GPSM1: variants seen among roughly 807,000 people sequenced by gnomAD.
GPSM1 encodes the protein G protein signaling modulator 1.
In GPSM1, 48 loss-of-function variants were observed where a neutral mutation model predicts 70.5. The ratio of observed to expected loss-of-function variants is 0.68; its 90% confidence interval spans 0.54 to 0.87. The LOEUF is 0.87. Among genes scored for constraint, GPSM1 ranks in the 40% least tolerant of loss-of-function variants. The pLI is 0.00. For missense variants in GPSM1, 981 were observed against 972.6 expected (o/e 1.01, Z -0.11); for synonymous variants, 416 against 430.1 (o/e 0.97, Z 0.41).
At chr9:136,347,191 G>A (rs1832543510) in intron 9 of GPSM1, among the ~76,000 whole-genome samples, 1 of 152,174 alleles carries the variant, frequency 6.6e-6, no homozygotes, top group South Asian at 2.1e-4. Flanking sequence ...CCATGCCGGC[G>A]CAGTCTGATG....
At position 136,356,665 on chromosome 9, in the gene GPSM1, G is replaced by A; in HGVS notation, c.1821+115G>A. ...CGCTGGTTCTGCCATCTCCGGTCAT[G>A]TTTGAGGGACTCCTGGGGGACTCAG... On this transcript the variant is annotated intron_variant, in intron 13 of 13. Coordinates refer to ENST00000440944, the MANE Select transcript of GPSM1 (RefSeq NM_001145638.3). 5.5e-6 allele frequency: 4 copies of A among 731,278 alleles called. No homozygotes were observed. In the South Asian group the frequency reaches 7.3e-5, roughly 13 times the overall value. The allele number at this position is 731,278 out of a possible 1,614,324, so 45.3% of individuals were successfully genotyped here.
Position 136,358,243 on chromosome 9 carries a change from C to T in GPSM1, c.*23C>T. On this transcript the variant is annotated 3_prime_UTR_variant, in exon 14 of 14. Transcript: ENST00000440944. ...TAAGGCCCTGTGCCCACCGCCAGGC[C>T]CACCCTGCCCCCACTCCTGGACGCC... is the stretch of plus-strand genomic sequence containing the variant. 1 of 1,519,536 alleles carries T rather than the reference C, an allele frequency of 6.6e-7. No homozygotes were observed. The highest frequency in any genetic ancestry group is 1.2e-5 in the South Asian group (1 of 84,078). 94.1% of individuals were successfully genotyped at this position (1,519,536 alleles called of 1,614,324 possible). A position where few individuals can be genotyped will look rare whatever the true frequency, so the allele number is the denominator to read the frequency against.
rs1832247853 is a variant in GPSM1, at chr9:136,336,787, T to C, written c.427-134T>C. On this transcript the variant is annotated intron_variant, in intron 3 of 13. Coordinates refer to ENST00000440944, the MANE Select transcript of GPSM1 (RefSeq NM_001145638.3). ...CCTCAGGCTTCCGCCCCTGCCTTAGTGTCTGTGACTCAGTGGGAGCCCCCA... is the reference window on the plus strand; with the variant it reads ...CCTCAGGCTTCCGCCCCTGCCTTAGCGTCTGTGACTCAGTGGGAGCCCCCA... 5.9e-6 allele frequency: 5 copies of C among 852,246 alleles called. No individual in the cohort carries two copies. The Admixed American group carries it at 1.2e-4, about 20-fold the overall frequency. The allele number at this position is 852,246 out of a possible 1,614,324, so 52.8% of individuals were successfully genotyped here. A position where few individuals can be genotyped will look rare whatever the true frequency, so the allele number is the denominator to read the frequency against.
At chr9:136,329,224 C>T (rs1365431770) in intron 1 of GPSM1, among the ~76,000 whole-genome samples, 1 of 152,202 alleles carries the variant, frequency 6.6e-6, no homozygotes, top group African/African-American at 2.4e-5. Context: ...TCCAGTTGAG[C>T]TCCAGGGTGG....
chr9:136,356,332 C>A lies in GPSM1; in HGVS notation c.1613-10C>A, dbSNP rs781898752. The A allele has an allele frequency of 6.4e-7, 1 of 1,550,934 alleles. No individual in the cohort carries two copies. Among genetic ancestry groups the A allele is most frequent in the South Asian group, 1.2e-5 (1 of 83,770 alleles). The stretch of plus-strand genomic sequence containing the variant: ...CTGGGTCCCAGGTCTCACCCTCTGG[C>A]CCCCCGCAGCCCAGCCCTCGATGAC... On this transcript the variant is annotated splice_polypyrimidine_tract_variant and intron_variant, in intron 12 of 13. Transcript: ENST00000440944.
At chr9:136,349,851 G>C in intron 11 of GPSM1, 88 bp downstream of exon 11, 1 of 1,314,118 alleles carries the variant, frequency 7.6e-7, no homozygotes, top group Non-Finnish European at 1.0e-6. Context: ...ACGGGGCCAG[G>C]TCAGGCCCGG....
At position 136,338,364 on chromosome 9, in the gene GPSM1, A is replaced by AC. The variant is rs539968910; in HGVS notation, c.819-185dup. Among the ~76,000 whole-genome samples, 852 of 151,800 alleles carry AC rather than the reference A, an allele frequency of 5.6e-3. 8 individuals are homozygous for AC. Among genetic ancestry groups the AC allele is most frequent in the African/African-American group, 0.02 (809 of 41,328 alleles). On this transcript the variant is annotated intron_variant, in intron 6 of 13. Coordinates refer to ENST00000440944, the MANE Select transcript of GPSM1 (RefSeq NM_001145638.3). The stretch of plus-strand genomic sequence containing the variant: ...AGGCAACTTGCCAGAGCCTGGCAGG[A>AC]CCCCCCGTCCCCCTGGGGCCAACAG...
chr9:136,357,084 C>T (rs527903967), intron 13 of GPSM1, among the ~76,000 whole-genome samples: 4 of 152,314 alleles, frequency 2.6e-5, no homozygotes, highest in South Asian at 4.1e-4. Flanking sequence ...CTGGCAGCCA[C>T]GCCAGGAATG....
chr9:136,355,630 G>C (rs547886370), intron 11 of GPSM1, 60 bp from the exon 12 acceptor site: 25 of 1,510,204 alleles, frequency 1.7e-5, no homozygotes, highest in Admixed American at 7.1e-5. Flanking sequence ...AGCAGCCCCC[G>C]GTCTCGTCTG....
At chr9:136,348,547 A>G in intron 9 of GPSM1, 150 bp from the exon 10 acceptor site, 1 of 587,020 alleles carries the variant, frequency 1.7e-6, no homozygotes, top group Non-Finnish European at 3.1e-6. Flanking sequence ...CGCAGAGGAC[A>G]CTCAGACATG....
intron 3 of GPSM1, 52 bp downstream of exon 3, chr9:136,336,153 T>C: frequency 6.3e-7 from 1 of 1,585,510 alleles, no homozygotes; most frequent in South Asian, 1.1e-5. Flanking sequence ...CCGGCCTGCG[T>C]CCAGATCCGG....
rs781852144 is a variant in GPSM1, at chr9:136,349,623, C to T, written c.1315C>T (p.Arg439Trp). ...AGACAGCCACCATTCAGGGGACTGG[C>T]GGGGGCCCAGCAGGGACTCGCTACC... The part of the protein sequence containing the change: ...NGDSHHSGDW[R>W]GPSRDSLPLP... The change falls in exon 11 of 14, where the codon CGG becomes TGG. Residue 439 changes from arginine (R) to tryptophan (W), a missense_variant. Coordinates refer to ENST00000440944, the MANE Select transcript of GPSM1 (RefSeq NM_001145638.3). The T allele has an allele frequency of 3.8e-5, 59 of 1,549,586 alleles. No homozygotes were observed. The South Asian group carries it at 5.6e-4, about 15-fold the overall frequency.
chr9:136,336,832 C>G (rs1832248745), intron 3 of GPSM1, 89 bp from the exon 4 acceptor site: 1 of 1,323,538 alleles, frequency 7.6e-7, no homozygotes, highest in African/African-American at 1.5e-5. Context: ...CTGTCGAGGG[C>G]TGGGACAGTG....
intron 6 of GPSM1, among the ~76,000 whole-genome samples, chr9:136,338,175 A>G (rs1554769613): frequency 2.0e-5 from 3 of 152,172 alleles, no homozygotes; most frequent in African/African-American, 7.2e-5. Flanking sequence ...GGTCTGGGCC[A>G]TCTGCCTCCT....
rs541381827 is a variant in GPSM1, at chr9:136,342,483, C to T, written c.1207+1490C>T. Among the ~76,000 whole-genome samples, 2 of 152,088 alleles carry T rather than the reference C, an allele frequency of 1.3e-5. No homozygotes were observed. The highest frequency in any genetic ancestry group is 2.9e-5 in the Non-Finnish European group (2 of 68,012). On this transcript the variant is annotated intron_variant, in intron 9 of 13. Coordinates refer to ENST00000440944, the MANE Select transcript of GPSM1 (RefSeq NM_001145638.3). The surrounding 1 kb of genome is among the most constrained non-coding windows in gnomAD (Gnocchi z 5.5). ...GGGACCCCTTCCAGCCGGCCGGACG[C>T]CTCCTCCCCCAGGGCTGGGGAAGGG...
At chr9:136,357,467 G>A (rs1832862426) in intron 13 of GPSM1, among the ~76,000 whole-genome samples, 1 of 152,248 alleles carries the variant, frequency 6.6e-6, no homozygotes, top group African/African-American at 2.4e-5. Context: ...GCGCTTCAGA[G>A]AAGCCCAGAC....
At position 136,349,601 on chromosome 9, in the gene GPSM1, C is replaced by T. The variant is rs1251200621; in HGVS notation, c.1293C>T (p.Asp431=). 6.5e-7 allele frequency: 1 copy of T among 1,550,076 alleles called. No homozygotes were observed. Among genetic ancestry groups the T allele is most frequent in the Non-Finnish European group, 8.7e-7 (1 of 1,146,738 alleles). Reference sequence around the variant, plus strand: ...CCCCTCCCCAGGAGCAGAATGGAGACAGCCACCATTCAGGGGACTGGCGGG... The same window carrying T: ...CCCCTCCCCAGGAGCAGAATGGAGATAGCCACCATTCAGGGGACTGGCGGG... The part of the protein sequence containing the change: ...RLPLEREQNG[D]SHHSGDWRGP... The change falls in exon 11 of 14, where the codon GAC becomes GAT. Residue 431 remains aspartate (D), a synonymous_variant. Coordinates refer to ENST00000440944, the MANE Select transcript of GPSM1 (RefSeq NM_001145638.3).
At position 136,331,847 on chromosome 9, in the gene GPSM1, C is replaced by T. The variant is rs116055429; in HGVS notation, c.69-2600C>T. 2,711 of 395,734 alleles carry T rather than the reference C, an allele frequency of 6.9e-3. 62 individuals are homozygous for T. The highest frequency in any genetic ancestry group is 0.05 in the African/African-American group (2,432 of 48,644). The allele number at this position is 395,734 out of a possible 1,614,324, so 24.5% of individuals were successfully genotyped here. On this transcript the variant is annotated intron_variant, in intron 1 of 13. Transcript: ENST00000440944. The stretch of plus-strand genomic sequence containing the variant: ...ATCCACGTCAGGGATTGGGGAGGCC[C>T]CCGAGCACCTGCTGGAGGACTGGCA...
At position 136,355,768 on chromosome 9, in the gene GPSM1, G is replaced by C; in HGVS notation, c.1534G>C (p.Asp512His). The change falls in exon 12 of 14, where the codon GAC becomes CAC. Residue 512 changes from aspartate to histidine, a missense_variant. Physicochemically the swap from Asp to His is moderately conservative, Grantham distance 81 (BLOSUM62 -1). Coordinates refer to ENST00000440944, the MANE Select transcript of GPSM1 (RefSeq NM_001145638.3). ...LTKFQSSRMD[D>H]QRCPLDDGQA... is the part of the protein sequence containing the mutation. ...CAAGTTCCAGAGCAGCCGCATGGAC[G>C]ACCAGCGTTGTCCCCTGGACGATGG... 1 of 1,611,844 alleles carries C rather than the reference G, an allele frequency of 6.2e-7. No homozygotes were observed. The highest frequency in any genetic ancestry group is 8.5e-7 in the Non-Finnish European group (1 of 1,179,048).
Sources: allele counts gnomAD v4.1 joint callset (sites outside exome capture counted in the v4.1 genomes callset), GRCh38; gene constraint gnomAD v4.1.1; non-coding constraint Gnocchi (gnomAD v3.1); transcripts MANE v1.5; gene names NCBI Gene and HGNC (gene_info 2026-07-23, HGNC 2026-07-21).